Variants in ZNF385D observed in about 807,000 individuals in gnomAD.
The protein encoded by ZNF385D is zinc finger protein 385D.
Under a neutral mutation model 35.8 loss-of-function variants are expected in ZNF385D, and 15 were observed. The observed-to-expected ratio is 0.42, with a 90% confidence interval of 0.28 to 0.64. The LOEUF (loss-of-function observed/expected upper bound fraction) is 0.64. ZNF385D is among the 30% of genes least tolerant of loss of function. ZNF385D has a pLI of 0.23. For missense variants in ZNF385D, 474 were observed against 494.6 expected, an observed-to-expected ratio of 0.96 and a Z score of 0.39; for synonymous variants, 212 against 186.8, an observed-to-expected ratio of 1.13 and a Z score of -1.10.
At chr3:22,338,698 ATTTTTTTTTTT>A (rs562729331) in intron 2 of ZNF385D, among the ~76,000 whole-genome samples, 1 of 125,434 alleles carries the variant, frequency 8.0e-6, no homozygotes, top group Admixed American at 8.3e-5. Flanking sequence ...TATTCATCTC[ATTTTTTTTTTT>A]TTTTTTTTTG....
At chr3:21,901,112 ATTATT>A in intron 3 of ZNF385D, among the ~76,000 whole-genome samples, 1 of 152,356 alleles carries the variant, frequency 6.6e-6, no homozygotes, top group African/African-American at 2.4e-5. Flanking sequence ...AATTGGCTGC[ATTATT>A]TTATTTAATT....
At chr3:22,267,592 A>G (rs1281827049) in intron 2 of ZNF385D, among the ~76,000 whole-genome samples, 2 of 151,956 alleles carry the variant, frequency 1.3e-5, no homozygotes, top group African/African-American at 4.8e-5. Flanking sequence ...GATGAGCAAT[A>G]TCGAAATAAA....
chr3:21,589,982 ATAGACTGTAAAGACTCATGC>A (rs1186161996), intron 2 of ZNF385D, among the ~76,000 whole-genome samples: 16 of 152,278 alleles, frequency 1.1e-4, no homozygotes, highest in East Asian at 3.9e-4. Flanking sequence ...TTTCTAGGTA[ATAGACTGTAAAGACTCATGC>A]TAGACTGTAA....
chr3:22,163,308 C>G (rs927353376), intron 3 of ZNF385D, among the ~76,000 whole-genome samples: 2 of 152,136 alleles, frequency 1.3e-5, no homozygotes, highest in African/African-American at 4.8e-5. Context: ...TACATGCATT[C>G]TATATACCTT....
At chr3:22,235,153 A>G (rs765868928) in intron 2 of ZNF385D, among the ~76,000 whole-genome samples, 32 of 152,140 alleles carry the variant, frequency 2.1e-4, no homozygotes, top group Non-Finnish European at 3.2e-4. Flanking sequence ...AAGAATTTAA[A>G]TATTTTTTCT....
intron 3 of ZNF385D, among the ~76,000 whole-genome samples, chr3:21,826,486 C>T (rs17009648): frequency 0.011 from 1,638 of 152,222 alleles, 26 homozygotes; most frequent in African/African-American, 0.037. Context: ...TTGTTGATGT[C>T]TAAACAATGG....
At chr3:21,612,445 G>A (rs2064711647) in intron 2 of ZNF385D, among the ~76,000 whole-genome samples, 1 of 152,012 alleles carries the variant, frequency 6.6e-6, no homozygotes, top group Non-Finnish European at 1.5e-5. Context: ...TAAAAATCAG[G>A]GAGGTCATAT....
At chr3:21,785,371 ATT>A (rs1223922736) in intron 3 of ZNF385D, among the ~76,000 whole-genome samples, 2 of 152,072 alleles carry the variant, frequency 1.3e-5, no homozygotes, top group Admixed American at 6.5e-5. Flanking sequence ...AGTTACCATC[ATT>A]TTTTTTGTGT....
chr3:22,084,579 C>G (rs1700929186), intron 3 of ZNF385D, among the ~76,000 whole-genome samples: 1 of 152,168 alleles, frequency 6.6e-6, no homozygotes, highest in Admixed American at 6.5e-5. Context: ...TTCATAAAAG[C>G]AAGTCCCTAG....
chr3:21,725,650 C>A (rs6793994), intron 1 of ZNF385D, among the ~76,000 whole-genome samples: 38,754 of 151,996 alleles, frequency 0.25, 5,342 homozygotes, highest in African/African-American at 0.34. Context: ...CGAATCTCTG[C>A]ATAGAACAAT....
At chr3:22,026,720 C>T (rs1043664860) in intron 3 of ZNF385D, among the ~76,000 whole-genome samples, 1 of 152,136 alleles carries the variant, frequency 6.6e-6, no homozygotes, top group African/African-American at 2.4e-5. Flanking sequence ...CAAATGGAAG[C>T]CATTAGAGCT....
At chr3:21,734,901 T>A (rs781539809) in intron 1 of ZNF385D, among the ~76,000 whole-genome samples, 49 of 151,912 alleles carry the variant, frequency 3.2e-4, no homozygotes, top group Non-Finnish European at 6.3e-4. Context: ...TTACTAGAGA[T>A]AAATGATGCA....
chr3:21,788,615 C>T (rs2071798000), intron 3 of ZNF385D, among the ~76,000 whole-genome samples: 1 of 152,152 alleles, frequency 6.6e-6, no homozygotes, highest in East Asian at 1.9e-4. Context: ...GTAAGAAAAA[C>T]AACTTTCAAA....
rs556454606 is a variant in ZNF385D, at chr3:21,583,331, G to C, written c.166-18647C>G. 3.9e-5 allele frequency among the ~76,000 whole-genome samples: 6 copies of C among 152,242 alleles called. No homozygotes were observed. The East Asian group carries it at 7.7e-4, about 20-fold the overall frequency. Reference sequence around the variant, plus strand: ...GTTAGAACACTACCTAATACATTTTGTATTTCCCATGCACTTCAAGACTTC... The same window carrying C: ...GTTAGAACACTACCTAATACATTTTCTATTTCCCATGCACTTCAAGACTTC... On this transcript the variant is annotated intron_variant, in intron 2 of 7. Transcript: ENST00000281523.
chr3:22,180,201 T>G (rs934741209), intron 2 of ZNF385D, among the ~76,000 whole-genome samples: 2 of 152,150 alleles, frequency 1.3e-5, no homozygotes, highest in Non-Finnish European at 2.9e-5. Flanking sequence ...ATGGATAAAT[T>G]CCTCGACACA....
intron 3 of ZNF385D, among the ~76,000 whole-genome samples, chr3:21,514,628 C>T (rs1559364239): frequency 1.3e-5 from 2 of 151,928 alleles, no homozygotes; most frequent in Admixed American, 1.3e-4. Context: ...TCAAATAGGA[C>T]AAACAGGGAG....
At chr3:22,336,546 G>C (rs1027980007) in intron 2 of ZNF385D, among the ~76,000 whole-genome samples, 1 of 152,120 alleles carries the variant, frequency 6.6e-6, no homozygotes, top group East Asian at 1.9e-4. Context: ...GTGACCTACA[G>C]AGGAAATTAT....
intron 3 of ZNF385D, among the ~76,000 whole-genome samples, chr3:22,082,494 G>A (rs938212868): frequency 2.0e-5 from 3 of 152,182 alleles, no homozygotes; most frequent in African/African-American, 7.2e-5. Flanking sequence ...CAGCCTATCT[G>A]GGGGAGGGAT....
At chr3:22,254,802 G>A (rs114464685) in intron 2 of ZNF385D, among the ~76,000 whole-genome samples, 2,317 of 151,676 alleles carry the variant, frequency 0.015, 49 homozygotes, top group African/African-American at 0.047. Context: ...AAGCAAAATC[G>A]CAGTGCTTGT....
Sources: gnomAD v4.1 joint callset for allele counts (sites outside exome capture counted in the v4.1 genomes callset) on GRCh38, gnomAD v4.1.1 for gene constraint, MANE v1.5 for transcripts, NCBI Gene and HGNC (gene_info 2026-07-23, HGNC 2026-07-21) for gene names.